PRMT8: variants seen among roughly 807,000 people sequenced by gnomAD.
PRMT8 encodes protein arginine methyltransferase 8.
Under a neutral mutation model 47.1 loss-of-function variants are expected in PRMT8, and 7 were observed. The observed-to-expected ratio is 0.15, with a 90% confidence interval of 0.08 to 0.28. The LOEUF (loss-of-function observed/expected upper bound fraction) is 0.28. Ranked by LOEUF, PRMT8 falls within the 10% of genes least tolerant of loss-of-function variation. The pLI is 1.00. For missense variants in PRMT8, 237 were observed against 505.4 expected (o/e 0.47, Z 5.09); for synonymous variants, 188 against 186.5 (o/e 1.01, Z -0.07).
chr12:3,590,153 C>T (rs964618960), intron 8 of PRMT8, among the ~76,000 whole-genome samples: 4 of 152,216 alleles, frequency 2.6e-5, no homozygotes, highest in African/African-American at 9.6e-5. Context: ...CATTCATGAT[C>T]CTCCTTCCCT....
At chr12:3,536,775 A>C (rs937996953) in intron 1 of PRMT8, among the ~76,000 whole-genome samples, 1 of 152,156 alleles carries the variant, frequency 6.6e-6, no homozygotes, top group Non-Finnish European at 1.5e-5. Context: ...ACATCCTTGG[A>C]GGAAGGGCAG....
At chr12:3,420,997 A>T (rs766007759) in intron 1 of PRMT8, among the ~76,000 whole-genome samples, 2 of 152,222 alleles carry the variant, frequency 1.3e-5, no homozygotes, top group East Asian at 3.9e-4. Flanking sequence ...CAAAAATCAC[A>T]TCAAATATCA....
Position 3,456,416 on chromosome 12 carries a change from T to C in PRMT8, c.48+74974T>C, listed in dbSNP as rs1864973529. On this transcript the variant is annotated intron_variant, in intron 1 of 9. Transcript: ENST00000452611. This position sits in a 1 kb window ranked among gnomAD's most constrained non-coding sequence, Gnocchi z 4.2. Reference sequence around the variant, plus strand: ...ACCCACATATCCATCACCCACACTGTTTTCGACAGAATTTCAAGGAACTCC... The same window carrying C: ...ACCCACATATCCATCACCCACACTGCTTTCGACAGAATTTCAAGGAACTCC... Among the ~76,000 whole-genome samples, 1 of 152,078 alleles carries C rather than the reference T, an allele frequency of 6.6e-6. No homozygotes were observed. The highest frequency in any genetic ancestry group is 2.4e-5 in the African/African-American group (1 of 41,398).
At position 3,547,815 on chromosome 12, in the gene PRMT8, T is replaced by C. The variant is rs370234679; in HGVS notation, c.262-2121T>C. 8.5e-5 allele frequency among the ~76,000 whole-genome samples: 13 copies of C among 152,294 alleles called. 1 individual carries two copies. The highest frequency in any genetic ancestry group is 3.9e-4 in the East Asian group (2 of 5,184). ...TGTTCTTGGATTATAAAACTCAAAA[T>C]TGCTAAAATGTCAGTTCTCCCCAAA... is the stretch of plus-strand genomic sequence containing the variant. On this transcript the variant is annotated intron_variant, in intron 2 of 9. Coordinates refer to ENST00000382622, the MANE Select transcript of PRMT8 (RefSeq NM_019854.5).
chr12:3,488,723 A>G (rs982161918), upstream of PRMT8, among the ~76,000 whole-genome samples: 2 of 152,176 alleles, frequency 1.3e-5, no homozygotes, highest in African/African-American at 4.8e-5. Context: ...ATGCTAATAT[A>G]TTTTTGCAAA....
upstream of PRMT8, among the ~76,000 whole-genome samples, chr12:3,490,893 T>G (rs1302515364): frequency 2.0e-5 from 3 of 151,504 alleles, no homozygotes; most frequent in Non-Finnish European, 4.4e-5. Context: ...GGGTGCGAGT[T>G]AACTGTGGCC....
chr12:3,593,044 T>A lies in PRMT8; in HGVS notation c.1102-55T>A. 1.4e-6 allele frequency: 2 copies of A among 1,404,666 alleles called. No homozygotes were observed. The highest frequency in any genetic ancestry group is 3.4e-5 in the Admixed American group (2 of 58,824). The allele number at this position is 1,404,666 out of a possible 1,614,324, so 87.0% of individuals were successfully genotyped here. A position where few individuals can be genotyped will look rare whatever the true frequency, so the allele number is the denominator to read the frequency against. ...AGCAGGTGGTGCCAGAGAGTGGGGC[T>A]GTGGCTTCATACCCAGACGGCCGCC... On this transcript the variant is annotated intron_variant, in intron 9 of 9. Transcript: ENST00000382622. The surrounding 1 kb of genome is among the most constrained non-coding windows in gnomAD (Gnocchi z 4.8).
At chr12:3,396,158 C>G (rs1162029808) in intron 1 of PRMT8, among the ~76,000 whole-genome samples, 2 of 152,166 alleles carry the variant, frequency 1.3e-5, no homozygotes, top group East Asian at 1.9e-4. Context: ...GGTCTTGACT[C>G]TTTATCCAAT....
In PRMT8 at chr12:3,552,169, G is replaced by T. The variant is rs1309827659; in HGVS notation, c.418-1482G>T. On this transcript the variant is annotated intron_variant, in intron 3 of 9. Transcript: ENST00000382622. The surrounding 1 kb of genome is among the most constrained non-coding windows in gnomAD (Gnocchi z 4.5). The stretch of plus-strand genomic sequence containing the variant: ...TTGAACCCGGGAGGCGGAGGTTGCA[G>T]TGAGTCCAGATCGCGCCATTGCACT... 6.6e-6 allele frequency: 1 copy of T among 152,618 alleles called. No individual in the cohort carries two copies. Among genetic ancestry groups the T allele is most frequent in the Non-Finnish European group, 1.5e-5 (1 of 68,350 alleles). 9.5% of individuals were successfully genotyped at this position (152,618 alleles called of 1,614,324 possible).
intron 4 of PRMT8, among the ~76,000 whole-genome samples, chr12:3,555,577 A>C (rs1866512508): frequency 1.3e-5 from 2 of 152,226 alleles, no homozygotes; most frequent in Admixed American, 6.5e-5. Flanking sequence ...CAGGTGCTGC[A>C]GTCTGTTGGA....
At chr12:3,386,478 C>A (rs1367343694) in intron 1 of PRMT8, among the ~76,000 whole-genome samples, 3 of 152,172 alleles carry the variant, frequency 2.0e-5, no homozygotes, top group Non-Finnish European at 2.9e-5. Flanking sequence ...AAACAAGTAA[C>A]CTTTCCCCAA....
At chr12:3,521,428 G>T (rs1026124476) in intron 1 of PRMT8, among the ~76,000 whole-genome samples, 2 of 152,104 alleles carry the variant, frequency 1.3e-5, no homozygotes, top group Non-Finnish European at 2.9e-5. Context: ...ACAAAAATTA[G>T]CTGGGCATGG....
Position 3,585,463 on chromosome 12 carries a change from A to T in PRMT8, c.979+2255A>T, listed in dbSNP as rs1049452105. Among the ~76,000 whole-genome samples the T allele has an allele frequency of 2.1e-5, 3 of 142,832 alleles. No homozygotes were observed. The Admixed American group carries it at 2.3e-4, about 11-fold the overall frequency. 93.7% of individuals were successfully genotyped at this position (142,832 alleles called of 152,430 possible). A position where few individuals can be genotyped will look rare whatever the true frequency, so the allele number is the denominator to read the frequency against. On this transcript the variant is annotated intron_variant, in intron 8 of 9. Transcript: ENST00000382622. ...AGCCTTGACCTCCTGGGCTCAAGCG[A>T]TCCTCCTGCCTTAGCCACCCAAGTA...
intron 1 of PRMT8, among the ~76,000 whole-genome samples, chr12:3,408,200 C>G (rs1462302249): frequency 6.7e-6 from 1 of 150,002 alleles, no homozygotes; most frequent in African/African-American, 2.5e-5. Context: ...CCCTTCCTCC[C>G]TCCCTCCCTT....
At chr12:3,531,789 T>G (rs10848875) in intron 1 of PRMT8, among the ~76,000 whole-genome samples, 6,560 of 152,220 alleles carry the variant, frequency 0.043, 170 homozygotes, top group Middle Eastern at 0.11. Context: ...TCCCAGCCCC[T>G]CTACTCTCAG....
Position 3,548,574 on chromosome 12 carries a change from GA to G in PRMT8, c.262-1354del, listed in dbSNP as rs35825350. ...ACATGTGAATAGCCAATAAGCACAT[GA>G]AAAAAAAGATCTACTTCAGTAACCA... On this transcript the variant is annotated intron_variant, in intron 2 of 9. Coordinates refer to ENST00000382622, the MANE Select transcript of PRMT8 (RefSeq NM_019854.5). 4.1e-3 allele frequency among the ~76,000 whole-genome samples: 616 copies of G among 151,784 alleles called. 24 individuals carry two copies. The East Asian group carries it at 0.087, about 22-fold the overall frequency.
At position 3,455,053 on chromosome 12, in the gene PRMT8, C is replaced by G. The variant is rs1864959203; in HGVS notation, c.48+73611C>G. The stretch of plus-strand genomic sequence containing the variant: ...TCCAGTCCCTTGTCCTCCACAGTCC[C>G]CTTAAAGACTCCAGCCCAGAAATCC... On this transcript the variant is annotated intron_variant, in intron 1 of 9. Transcript: ENST00000452611. Among the ~76,000 whole-genome samples the G allele has an allele frequency of 2.0e-5, 3 of 152,300 alleles. No homozygotes were observed. In the South Asian group the frequency reaches 6.2e-4, roughly 32 times the overall value.
At chr12:3,546,537 A>G (rs1041040705) in intron 2 of PRMT8, among the ~76,000 whole-genome samples, 2 of 152,232 alleles carry the variant, frequency 1.3e-5, no homozygotes, top group African/African-American at 2.4e-5. Context: ...GCAATGGGAG[A>G]ATATTATGAC....
At chr12:3,529,475 C>T (rs191106271) in intron 1 of PRMT8, among the ~76,000 whole-genome samples, 7 of 152,202 alleles carry the variant, frequency 4.6e-5, no homozygotes, top group South Asian at 4.2e-4. Flanking sequence ...GGAGCAGACC[C>T]GCATATTACC....
Sources: allele counts gnomAD v4.1 joint callset (sites outside exome capture counted in the v4.1 genomes callset), GRCh38; gene constraint gnomAD v4.1.1; non-coding constraint Gnocchi (gnomAD v3.1); transcripts MANE v1.5; gene names NCBI Gene and HGNC (gene_info 2026-07-23, HGNC 2026-07-21).